Variants in DOCK3 observed in about 807,000 individuals in gnomAD.
DOCK3 encodes the protein dedicator of cytokinesis protein 3.
Under a neutral mutation model 265.6 loss-of-function variants are expected in DOCK3, and 60 were observed. That is an observed-to-expected ratio of 0.23 (90% CI 0.18 to 0.28). The LOEUF is 0.28. Ranked by LOEUF, DOCK3 falls within the 10% of genes least tolerant of loss-of-function variation. DOCK3 has a pLI of 1.00. For synonymous variants in DOCK3, 881 were observed against 938.0 expected, an observed-to-expected ratio of 0.94 and a Z score of 1.11; for missense variants, 1,981 against 2,594.3, an observed-to-expected ratio of 0.76 and a Z score of 5.14.
chr3:50,755,664 A>G (rs891237843), intron 1 of DOCK3, among the ~76,000 whole-genome samples: 1 of 152,178 alleles, frequency 6.6e-6, no homozygotes, highest in African/African-American at 2.4e-5. Context: ...ATAGCAATCA[A>G]TTCTTATTCC....
chr3:51,180,052 A>T (rs185992091), intron 12 of DOCK3, among the ~76,000 whole-genome samples: 1 of 152,156 alleles, frequency 6.6e-6, no homozygotes, highest in East Asian at 1.9e-4. Context: ...TACCAAAAAT[A>T]CAAACATTAG....
chr3:50,739,968 A>T (rs2038907853), intron 1 of DOCK3, among the ~76,000 whole-genome samples: 1 of 152,068 alleles, frequency 6.6e-6, no homozygotes, highest in African/African-American at 2.4e-5. Context: ...TCACTCCCAG[A>T]AGTTTCTTAA....
intron 9 of DOCK3, among the ~76,000 whole-genome samples, chr3:51,105,755 A>G (rs1346722814): frequency 1.3e-5 from 2 of 152,190 alleles, no homozygotes; most frequent in East Asian, 3.9e-4. Flanking sequence ...CTCCTAGCAC[A>G]TCTTCAGAGG....
intron 1 of DOCK3, chr3:50,719,583 C>T: frequency 6.9e-7 from 1 of 1,439,570 alleles, no homozygotes; most frequent in African/African-American, 1.4e-5. Flanking sequence ...CTATTATTCA[C>T]CTTGCCAAAG....
At chr3:50,866,017 A>T (rs994397852) in intron 3 of DOCK3, among the ~76,000 whole-genome samples, 4 of 151,334 alleles carry the variant, frequency 2.6e-5, no homozygotes, top group Non-Finnish European at 5.9e-5. Context: ...TTTTTTTCCT[A>T]TAGAGTTGTT....
At chr3:51,137,512 A>G (rs1336167315) in intron 9 of DOCK3, among the ~76,000 whole-genome samples, 1 of 152,186 alleles carries the variant, frequency 6.6e-6, no homozygotes, top group Non-Finnish European at 1.5e-5. Flanking sequence ...ATGGGCTGAT[A>G]CCTCATTGGC....
intron 19 of DOCK3, among the ~76,000 whole-genome samples, chr3:51,233,055 G>A (rs575527950): frequency 2.0e-5 from 3 of 152,238 alleles, no homozygotes; most frequent in South Asian, 4.2e-4. Context: ...ATGGGGTGAT[G>A]TGATGCCTGC....
chr3:50,958,339 G>A (rs2076785278), intron 5 of DOCK3, among the ~76,000 whole-genome samples: 1 of 152,126 alleles, frequency 6.6e-6, no homozygotes, highest in Non-Finnish European at 1.5e-5. Context: ...TCCAAAGTAT[G>A]ATGAGCCAAA....
chr3:50,730,798 G>A (rs937004933), intron 1 of DOCK3, among the ~76,000 whole-genome samples: 3 of 146,474 alleles, frequency 2.0e-5, no homozygotes, highest in Admixed American at 2.0e-4. Context: ...ACCACTGCAC[G>A]CCAGCCTGGG....
At chr3:51,089,676 A>G (rs1409062174) in intron 8 of DOCK3, among the ~76,000 whole-genome samples, 1 of 152,130 alleles carries the variant, frequency 6.6e-6, no homozygotes, top group Non-Finnish European at 1.5e-5. Flanking sequence ...TGGGAGGCCA[A>G]GGCAGGTGGA....
At chr3:51,024,472 G>A (rs563854828) in intron 5 of DOCK3, among the ~76,000 whole-genome samples, 2 of 152,270 alleles carry the variant, frequency 1.3e-5, no homozygotes, top group Admixed American at 6.5e-5. Flanking sequence ...AAGGTAACTG[G>A]GGGGTCAGGG....
chr3:51,348,762 CT>C, intron 38 of DOCK3, 89 bp from the exon 39 acceptor site: 1 of 1,346,730 alleles, frequency 7.4e-7, no homozygotes. Context: ...GGCGGGAGAC[CT>C]TTTGTTGTGT....
intron 5 of DOCK3, among the ~76,000 whole-genome samples, chr3:50,961,895 ATAT>A (rs1254288778): frequency 6.6e-6 from 1 of 152,172 alleles, no homozygotes; most frequent in Non-Finnish European, 1.5e-5. Context: ...TAATTTTTAA[ATAT>A]TATCTGAGCC....
intron 9 of DOCK3, among the ~76,000 whole-genome samples, chr3:51,118,861 G>A (rs919220606): frequency 6.6e-6 from 1 of 150,932 alleles, no homozygotes; most frequent in East Asian, 1.9e-4. Flanking sequence ...TTGACCCTAT[G>A]TGTGTTTTTG....
intron 5 of DOCK3, among the ~76,000 whole-genome samples, chr3:51,025,403 G>A (rs1247413177): frequency 2.6e-5 from 4 of 152,070 alleles, no homozygotes; most frequent in Non-Finnish European, 5.9e-5. Flanking sequence ...TTTCAAGGTC[G>A]GTGTCACTCC....
chr3:50,973,220 G>A (rs2077310099), intron 5 of DOCK3, among the ~76,000 whole-genome samples: 1 of 147,822 alleles, frequency 6.8e-6, no homozygotes, highest in Non-Finnish European at 1.5e-5. Flanking sequence ...CATGTGCCAC[G>A]CTGGTGCGCT....
chr3:51,366,252 T>C (rs1181111380), intron 49 of DOCK3, among the ~76,000 whole-genome samples: 1 of 152,218 alleles, frequency 6.6e-6, no homozygotes, highest in Non-Finnish European at 1.5e-5. Context: ...CCATTTCTTC[T>C]AGATTTTCTA....
chr3:50,764,216 G>GT (rs2040715882), intron 1 of DOCK3, among the ~76,000 whole-genome samples: 1 of 151,982 alleles, frequency 6.6e-6, no homozygotes, highest in Non-Finnish European at 1.5e-5. Context: ...TTTTAGCACA[G>GT]ATTTCATATT....
intron 9 of DOCK3, among the ~76,000 whole-genome samples, chr3:51,114,444 TA>T (rs2083648093): frequency 6.6e-6 from 1 of 152,272 alleles, no homozygotes; most frequent in Non-Finnish European, 1.5e-5. Context: ...GACACAATGA[TA>T]GGATTGGATA....
Sources: gnomAD v4.1 joint callset for allele counts (sites outside exome capture counted in the v4.1 genomes callset) on GRCh38, gnomAD v4.1.1 for gene constraint, MANE v1.5 for transcripts, NCBI Gene and HGNC (gene_info 2026-07-23, HGNC 2026-07-21) for gene names.